Variants in TRMT44 observed in about 807,000 individuals in gnomAD.
TRMT44 encodes the protein probable tRNA (uracil-O(2)-)-methyltransferase.
Under a neutral mutation model 77.3 loss-of-function variants are expected in TRMT44, and 78 were observed. The ratio of observed to expected loss-of-function variants is 1.01; its 90% CI spans 0.84 to 1.22. The LOEUF is 1.22. TRMT44 is among the 50% of genes most tolerant of loss of function. The pLI is 0.00. For synonymous variants in TRMT44, 391 were observed against 383.3 expected (o/e 1.02, Z -0.23); for missense variants, 1,090 against 964.4 (o/e 1.13, Z -1.73).
intron 6 of TRMT44, among the ~76,000 whole-genome samples, chr4:8,459,477 G>A (rs542392223): frequency 1.3e-5 from 2 of 152,274 alleles, no homozygotes; most frequent in Admixed American, 1.3e-4. Flanking sequence ...TACGGCAAGC[G>A]GTGAAGGCAG....
intron 10 of TRMT44, among the ~76,000 whole-genome samples, chr4:8,474,582 A>C (rs1288901841): frequency 6.6e-6 from 1 of 152,216 alleles, no homozygotes; most frequent in African/African-American, 2.4e-5. Context: ...CGTTATTGCC[A>C]CACACAAGGT....
rs182042300 is a variant in TRMT44, at chr4:8,463,371, C to G, written c.1204-614C>G. ...TCTTAAATCATAAAAGCAAGCTGTCCTCAGCTTAACTGCAGAATTTGTCAG... is the reference window on the plus strand; with the variant it reads ...TCTTAAATCATAAAAGCAAGCTGTCGTCAGCTTAACTGCAGAATTTGTCAG... On this transcript the variant is annotated intron_variant, in intron 6 of 10. Transcript: ENST00000389737. Among the ~76,000 whole-genome samples, 33 of 152,290 alleles carry G rather than the reference C, an allele frequency of 2.2e-4. 1 individual carries two copies. The highest frequency in any genetic ancestry group is 1.8e-3 in the Admixed American group (28 of 15,294).
At chr4:8,471,030 G>T in intron 9 of TRMT44, 54 bp from the exon 10 acceptor site, 1 of 1,260,746 alleles carries the variant, frequency 7.9e-7, no homozygotes, top group Non-Finnish European at 1.1e-6. Context: ...TGTGTGACAG[G>T]TTCGTAATAT....
intron 5 of TRMT44, among the ~76,000 whole-genome samples, chr4:8,453,995 G>A (rs1725628786): frequency 6.6e-6 from 1 of 152,242 alleles, no homozygotes; most frequent in Non-Finnish European, 1.5e-5. Context: ...GGGGGTGGTA[G>A]TGTATCAGGT....
chr4:8,454,112 G>A (rs1725635813), intron 5 of TRMT44, among the ~76,000 whole-genome samples: 1 of 152,156 alleles, frequency 6.6e-6, no homozygotes, highest in African/African-American at 2.4e-5. Context: ...GCCAATGAGT[G>A]TGGCCAAGGT....
chr4:8,468,415 C>G, intron 9 of TRMT44, 69 bp downstream of exon 9: 1 of 1,476,620 alleles, frequency 6.8e-7, no homozygotes, highest in Non-Finnish European at 9.4e-7. Context: ...TTCACGTCTT[C>G]AGAACCGACA....
intron 7 of TRMT44, 115 bp downstream of exon 7, chr4:8,464,206 G>C: frequency 2.9e-6 from 2 of 695,796 alleles, no homozygotes; most frequent in South Asian, 4.0e-5. Flanking sequence ...TTGAAATGTG[G>C]GTAGTTCCAA....
At chr4:8,509,849 A>T in the TRMT44 span, 1 of 152,294 alleles carries the variant, frequency 6.6e-6, no homozygotes. Context: ...CGGTGTTGCC[A>T]TCTGGATGTC....
chr4:8,501,113 G>A, the TRMT44 span, among the ~76,000 whole-genome samples: 12 of 152,314 alleles, frequency 7.9e-5, 1 homozygote, highest in East Asian at 5.8e-4. This position sits in a 1 kb window ranked among gnomAD's most constrained non-coding sequence, Gnocchi z 4.4. Flanking sequence ...GCAGGTGGTC[G>A]TGCCACTGCT....
In TRMT44 at chr4:8,440,806, T is replaced by C. The variant is rs1339381821; in HGVS notation, c.-17T>C. 3.5e-6 allele frequency: 5 copies of C among 1,438,584 alleles called. No individual in the cohort carries two copies. The highest frequency in any genetic ancestry group is 3.6e-6 in the Non-Finnish European group (4 of 1,099,350). 89.1% of individuals were successfully genotyped at this position (1,438,584 alleles called of 1,614,324 possible). On this transcript the variant is annotated 5_prime_UTR_variant, in exon 1 of 11. Transcript: ENST00000389737. ...TCTCGGCGCGCCGCTGCCAGGGCTG[T>C]ACACCTGCTGGCTGCCATGGCTGAG...
At chr4:8,468,533 A>T (rs1579075725) in intron 9 of TRMT44, 187 bp downstream of exon 9, 4 of 617,880 alleles carry the variant, frequency 6.5e-6, no homozygotes, top group Non-Finnish European at 1.1e-5. Context: ...GCTCTTATAA[A>T]CATAAAGGAC....
At position 8,449,814 on chromosome 4, in the gene TRMT44, C is replaced by G. The variant is rs962959963; in HGVS notation, c.880C>G (p.Leu294Val). 4 of 1,535,868 alleles carry G rather than the reference C, an allele frequency of 2.6e-6. No homozygotes were observed. Among genetic ancestry groups the G allele is most frequent in the African/African-American group, 2.7e-5 (2 of 73,002 alleles). The change falls in exon 3 of 11, where the codon CTT becomes GTT. Residue 294 changes from leucine to valine, a missense_variant. Coordinates refer to ENST00000389737, the MANE Select transcript of TRMT44 (RefSeq NM_152544.3). ...ENKKSDFKSTLSLISIMKYSK... is the reference protein window; with the variant it reads ...ENKKSDFKSTVSLISIMKYSK... Reference sequence around the variant, plus strand: ...CAAGAAGAGTGACTTTAAAAGCACCCTTTCCCTCATCTCCATTATGAAGTA... The same window carrying G: ...CAAGAAGAGTGACTTTAAAAGCACCGTTTCCCTCATCTCCATTATGAAGTA...
rs973879689 is a variant in TRMT44, at chr4:8,446,403, A to T, written c.620-73A>T. 2 of 984,796 alleles carry T rather than the reference A, an allele frequency of 2.0e-6. No homozygotes were observed. Among genetic ancestry groups the T allele is most frequent in the Non-Finnish European group, 3.1e-6 (2 of 654,210 alleles). 61.0% of individuals were successfully genotyped at this position (984,796 alleles called of 1,614,324 possible). ...AAAGCATCGTGCTTGACTCATCCCT[A>T]TTTTTAATACTGCTTCTGATGAGAC... On this transcript the variant is annotated intron_variant, in intron 1 of 10. Coordinates refer to ENST00000389737, the MANE Select transcript of TRMT44 (RefSeq NM_152544.3). This position sits in a 1 kb window ranked among gnomAD's most constrained non-coding sequence, Gnocchi z 4.3.
rs1451812700 is a variant in TRMT44, at chr4:8,471,213, CCT to C, written c.2044+17_2044+18del. On this transcript the variant is annotated intron_variant, in intron 10 of 10. Coordinates refer to ENST00000389737, the MANE Select transcript of TRMT44 (RefSeq NM_152544.3). ...CAGGTGTTCCAAGGTACGGAGTCCG[CCT>C]CTCCCCCGCCGTTCTTTCCTTCTTT... 2 of 1,504,148 alleles carry C rather than the reference CCT, an allele frequency of 1.3e-6. No homozygotes were observed. The highest frequency in any genetic ancestry group is 2.8e-5 in the African/African-American group (2 of 71,038). The allele number at this position is 1,504,148 out of a possible 1,614,324, so 93.2% of individuals were successfully genotyped here. A position where few individuals can be genotyped will look rare whatever the true frequency, so the allele number is the denominator to read the frequency against.
At chr4:8,503,861 C>G in the TRMT44 span, among the ~76,000 whole-genome samples, 4 of 152,344 alleles carry the variant, frequency 2.6e-5, no homozygotes, top group African/African-American at 7.2e-5. Flanking sequence ...CTCTGAGCCC[C>G]TCTTGTTCTT....
chr4:8,441,479 A>G, intron 1 of TRMT44, 38 bp downstream of exon 1: 1 of 1,445,450 alleles, frequency 6.9e-7, no homozygotes, highest in East Asian at 2.5e-5. Context: ...ATGATTAGAT[A>G]AAAAAGCATT....
At chr4:8,500,967 C>A in the TRMT44 span, among the ~76,000 whole-genome samples, 1 of 152,306 alleles carries the variant, frequency 6.6e-6, no homozygotes, top group East Asian at 1.9e-4. Flanking sequence ...CTGGGACCCC[C>A]ACCCTGTGCT....
downstream of TRMT44, among the ~76,000 whole-genome samples, chr4:8,480,460 TG>T (rs1727579216): frequency 6.6e-6 from 1 of 152,216 alleles, no homozygotes; most frequent in African/African-American, 2.4e-5. Context: ...AGTGGGTTTG[TG>T]AAGTTGTATG....
intron 2 of TRMT44, among the ~76,000 whole-genome samples, chr4:8,489,054 C>T (rs1015895310): frequency 1.3e-5 from 2 of 152,216 alleles, no homozygotes; most frequent in African/African-American, 4.8e-5. Flanking sequence ...GTAGCACCAC[C>T]CACAAGTAAG....
Sources: allele counts gnomAD v4.1 joint callset (sites outside exome capture counted in the v4.1 genomes callset), GRCh38; gene constraint gnomAD v4.1.1; non-coding constraint Gnocchi (gnomAD v3.1); transcripts MANE v1.5; gene names NCBI Gene and HGNC (gene_info 2026-07-23, HGNC 2026-07-21).